The following MLLT3 variants were observed in gnomAD, a reference collection of about 807,000 sequenced individuals.
MLLT3 encodes MLLT3 super elongation complex subunit.
A neutral mutation model predicts 53.2 loss-of-function variants in MLLT3; 4 were observed. That is an observed-to-expected ratio of 0.08 (90% CI 0.04 to 0.17). The LOEUF (loss-of-function observed/expected upper bound fraction) is 0.17, where lower values mean the gene tolerates loss of function less well. MLLT3 is among the 10% of genes least tolerant of loss of function. MLLT3 has a pLI of 1.00. For missense variants in MLLT3, 569 were observed against 684.0 expected (o/e 0.83, Z 1.87); for synonymous variants, 283 against 230.6 (o/e 1.23, Z -2.06).
At chr9:20,467,661 G>A (rs1398764558) in intron 2 of MLLT3, among the ~76,000 whole-genome samples, 3 of 152,190 alleles carry the variant, frequency 2.0e-5, no homozygotes, top group East Asian at 1.9e-4. Flanking sequence ...GCTATTTTGA[G>A]AATAGAAGCA....
chr9:20,603,030 T>C (rs1820470659), intron 2 of MLLT3, among the ~76,000 whole-genome samples: 1 of 152,122 alleles, frequency 6.6e-6, no homozygotes. Flanking sequence ...AGATCATTTT[T>C]AGATATATAC....
At chr9:20,542,390 A>G (rs1157904745) in intron 2 of MLLT3, among the ~76,000 whole-genome samples, 1 of 151,992 alleles carries the variant, frequency 6.6e-6, no homozygotes, top group Non-Finnish European at 1.5e-5. Flanking sequence ...AGCTGGGACT[A>G]CAGGCGCCCG....
At chr9:20,390,267 C>A (rs1473698845) in intron 5 of MLLT3, among the ~76,000 whole-genome samples, 2 of 152,062 alleles carry the variant, frequency 1.3e-5, no homozygotes, top group African/African-American at 4.8e-5. Context: ...TACTAATTTT[C>A]CCCGAGATTG....
At chr9:20,571,516 G>C (rs373247142) in intron 2 of MLLT3, among the ~76,000 whole-genome samples, 1 of 152,058 alleles carries the variant, frequency 6.6e-6, no homozygotes, top group Admixed American at 6.5e-5. Flanking sequence ...AGGTATACAC[G>C]TGCCATGGTG....
At chr9:20,494,409 T>C (rs530844618) in intron 2 of MLLT3, among the ~76,000 whole-genome samples, 6 of 152,230 alleles carry the variant, frequency 3.9e-5, no homozygotes, top group Admixed American at 1.3e-4. Flanking sequence ...AATTTCACTA[T>C]AAAGGGTCAA....
At chr9:20,578,740 T>C (rs1302112647) in intron 2 of MLLT3, among the ~76,000 whole-genome samples, 2 of 152,036 alleles carry the variant, frequency 1.3e-5, no homozygotes, top group African/African-American at 2.4e-5. Flanking sequence ...GAACATTATA[T>C]TGGGAACAAT....
Position 20,344,498 on chromosome 9 carries a change from C to A in MLLT3, c.*1945G>T. 4.6e-6 allele frequency: 1 copy of A among 219,072 alleles called. No homozygotes were observed. The highest frequency in any genetic ancestry group is 9.2e-6 in the Non-Finnish European group (1 of 108,986). The allele number at this position is 219,072 out of a possible 1,614,324, so 13.6% of individuals were successfully genotyped here. ...CACAATTCATCAATCACCTAATGTC[C>A]AAAATGACTCAAAGTTTCTCTGCAC... is the stretch of plus-strand genomic sequence containing the variant. On this transcript the variant is annotated 3_prime_UTR_variant, in exon 11 of 11. Coordinates refer to ENST00000380338, the MANE Select transcript of MLLT3 (RefSeq NM_004529.4).
chr9:20,452,030 G>C (rs373221443), intron 3 of MLLT3, among the ~76,000 whole-genome samples: 2 of 152,222 alleles, frequency 1.3e-5, no homozygotes, highest in East Asian at 1.9e-4. Context: ...AACTGAAGAC[G>C]AGCTCATTAG....
At chr9:20,434,554 C>A (rs965136490) in intron 4 of MLLT3, among the ~76,000 whole-genome samples, 2 of 152,164 alleles carry the variant, frequency 1.3e-5, no homozygotes, top group African/African-American at 2.4e-5. Flanking sequence ...TTGGCTGTCT[C>A]TTCAAGGACC....
chr9:20,614,774 T>A (rs781256308), intron 2 of MLLT3, among the ~76,000 whole-genome samples: 1 of 152,174 alleles, frequency 6.6e-6, no homozygotes, highest in African/African-American at 2.4e-5. Context: ...AAAAGTTCTA[T>A]ATCTTAGAAC....
At chr9:20,409,276 G>A (rs1390607720) in intron 5 of MLLT3, among the ~76,000 whole-genome samples, 1 of 152,064 alleles carries the variant, frequency 6.6e-6, no homozygotes, top group Non-Finnish European at 1.5e-5. Flanking sequence ...TTCATTTACT[G>A]TTTTTTTCCT....
intron 2 of MLLT3, among the ~76,000 whole-genome samples, chr9:20,587,326 T>C (rs1029575561): frequency 6.6e-6 from 1 of 151,734 alleles, no homozygotes; most frequent in Admixed American, 6.6e-5. Context: ...CACTATTCTA[T>C]GAATTAGGTA....
At chr9:20,502,839 T>C (rs974200130) in intron 2 of MLLT3, among the ~76,000 whole-genome samples, 1 of 152,154 alleles carries the variant, frequency 6.6e-6, no homozygotes, top group Admixed American at 6.5e-5. Flanking sequence ...ATAAATAAAT[T>C]CAGTGAAGCT....
At chr9:20,394,614 C>G (rs959436206) in intron 5 of MLLT3, among the ~76,000 whole-genome samples, 1 of 152,074 alleles carries the variant, frequency 6.6e-6, no homozygotes, top group Admixed American at 6.6e-5. Flanking sequence ...CTGATCTACT[C>G]AGAATATGGA....
At chr9:20,452,523 A>G (rs1165932326) in intron 3 of MLLT3, among the ~76,000 whole-genome samples, 1 of 152,112 alleles carries the variant, frequency 6.6e-6, no homozygotes, top group African/African-American at 2.4e-5. Context: ...GGTATTAATA[A>G]CAATGTGAGA....
intron 4 of MLLT3, among the ~76,000 whole-genome samples, chr9:20,447,230 T>A (rs1823728516): frequency 6.6e-6 from 1 of 152,142 alleles, no homozygotes; most frequent in South Asian, 2.1e-4. Flanking sequence ...AGTTTATCAG[T>A]GATATAAGGC....
chr9:20,382,195 T>A (rs1001505730), intron 5 of MLLT3, among the ~76,000 whole-genome samples: 1 of 151,898 alleles, frequency 6.6e-6, no homozygotes, highest in Non-Finnish European at 1.5e-5. Context: ...TTTTCCTGAA[T>A]TTTTCTATAC....
At chr9:20,374,651 C>G (rs532212731) in intron 5 of MLLT3, among the ~76,000 whole-genome samples, 7 of 152,280 alleles carry the variant, frequency 4.6e-5, no homozygotes, top group African/African-American at 1.7e-4. Context: ...ACATTAGTAA[C>G]TGCTTCAAAA....
chr9:20,565,359 A>G (rs1211278537), intron 2 of MLLT3, among the ~76,000 whole-genome samples: 2 of 152,040 alleles, frequency 1.3e-5, no homozygotes, highest in Admixed American at 6.6e-5. Context: ...CTGTAATGCA[A>G]CTGTGCTCTT....
Sources: allele counts gnomAD v4.1 joint callset (sites outside exome capture counted in the v4.1 genomes callset), GRCh38; gene constraint gnomAD v4.1.1; transcripts MANE v1.5; gene names NCBI Gene and HGNC (gene_info 2026-07-23, HGNC 2026-07-21).